DLG2: variants seen among roughly 807,000 people sequenced by gnomAD.
DLG2 encodes disks large homolog 2.
A neutral mutation model predicts 132.5 loss-of-function variants in DLG2; 45 were observed. The ratio of observed to expected loss-of-function variants is 0.34; its 90% CI spans 0.27 to 0.44. The LOEUF (loss-of-function observed/expected upper bound fraction) is 0.44. Ranked by LOEUF, DLG2 falls within the 20% of genes least tolerant of loss-of-function variation. The pLI is 1.00. For missense variants in DLG2, 1,045 were observed against 1,196.9 expected (o/e 0.87, Z 1.87); for synonymous variants, 424 against 419.6 (o/e 1.01, Z -0.13).
intron 21 of DLG2, chr11:83,486,365 T>G: frequency 1.8e-6 from 1 of 567,538 alleles, no homozygotes. Context: ...AAAAAAAAAT[T>G]ACACATTTTC....
rs2093482888 is a variant in DLG2, at chr11:83,486,112, T to G, written c.2194-1884A>C. 1.5e-5 allele frequency: 9 copies of G among 583,192 alleles called. No homozygotes were observed. The South Asian group carries it at 2.0e-4, about 13-fold the overall frequency. The allele number at this position is 583,192 out of a possible 1,614,324, so 36.1% of individuals were successfully genotyped here. A position where few individuals can be genotyped will look rare whatever the true frequency, so the allele number is the denominator to read the frequency against. On this transcript the variant is annotated intron_variant, in intron 21 of 27. Coordinates refer to ENST00000376104, the MANE Select transcript of DLG2 (RefSeq NM_001142699.3). Reference sequence around the variant, plus strand: ...TTTATCATCAATTGTAATTTAGGGTTGGTGTCCAAAAACAAGGTTGAGAAC... The same window carrying G: ...TTTATCATCAATTGTAATTTAGGGTGGGTGTCCAAAAACAAGGTTGAGAAC...
At chr11:84,097,810 A>G (rs1018875065) in intron 10 of DLG2, among the ~76,000 whole-genome samples, 7 of 152,158 alleles carry the variant, frequency 4.6e-5, no homozygotes, top group Admixed American at 6.6e-5. Flanking sequence ...ACATTAGGGC[A>G]TGTTATTCTT....
intron 6 of DLG2, among the ~76,000 whole-genome samples, chr11:85,034,613 A>C (rs1161144083): frequency 6.6e-6 from 1 of 152,158 alleles, no homozygotes; most frequent in Non-Finnish European, 1.5e-5. Context: ...GTAGTTTTTC[A>C]GGAAAACTTC....
rs1043517777 is a variant in DLG2, at chr11:85,163,806, G to T, written c.187-9155C>A. 1.2e-4 allele frequency among the ~76,000 whole-genome samples: 19 copies of T among 152,156 alleles called. 1 individual carries two copies. Among genetic ancestry groups the T allele is most frequent in the African/African-American group, 4.6e-4 (19 of 41,516 alleles). Reference sequence around the variant, plus strand: ...GCTGAGTTGGATGCCTTGGATTGTAGGGGAGAAAAAAATAGCTTTCCTCTA... The same window carrying T: ...GCTGAGTTGGATGCCTTGGATTGTATGGGAGAAAAAAATAGCTTTCCTCTA... On this transcript the variant is annotated intron_variant, in intron 4 of 27. Transcript: ENST00000376104.
At chr11:85,010,639 T>C (rs1485647005) in intron 6 of DLG2, among the ~76,000 whole-genome samples, 3 of 152,192 alleles carry the variant, frequency 2.0e-5, no homozygotes, top group African/African-American at 7.2e-5. Flanking sequence ...ACATGTATGA[T>C]GAATTCTCTG....
intron 6 of DLG2, among the ~76,000 whole-genome samples, chr11:84,977,313 A>C (rs1044077920): frequency 6.6e-6 from 1 of 152,134 alleles, no homozygotes; most frequent in African/African-American, 2.4e-5. Context: ...AGTAGGCAAC[A>C]TCTTGCCTGA....
chr11:84,762,020 A>G (rs1386945582), intron 6 of DLG2: 1 of 152,140 alleles, frequency 6.6e-6, no homozygotes, highest in African/African-American at 2.4e-5. Flanking sequence ...ATTTATATAA[A>G]AAATGTATTT....
intron 6 of DLG2, among the ~76,000 whole-genome samples, chr11:84,833,550 G>C (rs1176029801): frequency 6.6e-6 from 1 of 151,214 alleles, no homozygotes; most frequent in Non-Finnish European, 1.5e-5. Flanking sequence ...TCCTTAGTAT[G>C]TAATTTAGCT....
chr11:85,162,802 G>T (rs1466523718), intron 4 of DLG2, among the ~76,000 whole-genome samples: 1 of 152,134 alleles, frequency 6.6e-6, no homozygotes, highest in Non-Finnish European at 1.5e-5. Context: ...GTGGGTTCAA[G>T]TTGACAAGGG....
intron 7 of DLG2, among the ~76,000 whole-genome samples, chr11:84,354,667 T>A (rs1418507347): frequency 6.6e-6 from 1 of 152,122 alleles, no homozygotes; most frequent in Admixed American, 6.5e-5. Flanking sequence ...TGTCAAACCC[T>A]AGATCTACCA....
rs147906967 is a variant in DLG2, at chr11:84,503,807, C to T, written c.519+30763G>A. Among the ~76,000 whole-genome samples, 129 of 152,274 alleles carry T rather than the reference C, an allele frequency of 8.5e-4. 1 individual carries two copies. Among genetic ancestry groups the T allele is most frequent in the Non-Finnish European group, 1.4e-3 (92 of 68,028 alleles). Reference sequence around the variant, plus strand: ...CTCAGTGAAGAAAGTGAAATATTACCCTGTAAGCATCACTGCATCATTCTT... The same window carrying T: ...CTCAGTGAAGAAAGTGAAATATTACTCTGTAAGCATCACTGCATCATTCTT... On this transcript the variant is annotated intron_variant, in intron 7 of 27. Transcript: ENST00000376104.
intron 7 of DLG2, among the ~76,000 whole-genome samples, chr11:84,430,398 C>T (rs2098980669): frequency 6.7e-6 from 1 of 148,202 alleles, no homozygotes; most frequent in South Asian, 2.1e-4. Context: ...GAGATCGTGC[C>T]ACTTCACTCC....
intron 8 of DLG2, among the ~76,000 whole-genome samples, chr11:84,220,775 CTTTTCT>C (rs1223306240): frequency 8.9e-6 from 1 of 112,300 alleles, no homozygotes; most frequent in African/African-American, 3.3e-5. Flanking sequence ...TTTTCTTTTT[CTTTTCT>C]TTTTTTTTTT....
intron 6 of DLG2, among the ~76,000 whole-genome samples, chr11:84,620,687 C>T (rs908334664): frequency 6.6e-6 from 1 of 152,022 alleles, no homozygotes; most frequent in Non-Finnish European, 1.5e-5. Flanking sequence ...TATTTTTGTA[C>T]TTCATAAGTC....
intron 21 of DLG2, among the ~76,000 whole-genome samples, chr11:83,488,400 A>G (rs1049455918): frequency 6.6e-6 from 1 of 151,958 alleles, no homozygotes; most frequent in African/African-American, 2.4e-5. Context: ...GCCCAGCCTG[A>G]CTCTGAGATG....
intron 7 of DLG2, among the ~76,000 whole-genome samples, chr11:84,321,530 T>C (rs1380813865): frequency 6.6e-6 from 1 of 152,182 alleles, no homozygotes; most frequent in African/African-American, 2.4e-5. Flanking sequence ...CTCACACTCT[T>C]GCTCTGTCCT....
At position 85,505,236 on chromosome 11, in the gene DLG2, G is replaced by A. The variant is rs2153140128; in HGVS notation, c.40+93421C>T. 2.0e-5 allele frequency among the ~76,000 whole-genome samples: 3 copies of A among 152,140 alleles called. No homozygotes were observed. In the South Asian group the frequency reaches 6.2e-4, roughly 32 times the overall value. On this transcript the variant is annotated intron_variant, in intron 3 of 27. Coordinates refer to ENST00000376104, the MANE Select transcript of DLG2 (RefSeq NM_001142699.3). ...TTTCTTTCTACTGCCTGATTACCCT[G>A]GCCAGAACTTCCAACACTATGTTGA...
chr11:85,520,948 C>A (rs1169070166), intron 3 of DLG2, among the ~76,000 whole-genome samples: 5 of 152,140 alleles, frequency 3.3e-5, no homozygotes, highest in African/African-American at 1.2e-4. Flanking sequence ...CAGGACATTT[C>A]TCTGGGCAAA....
At chr11:83,955,135 A>G (rs1223749564) in intron 14 of DLG2, among the ~76,000 whole-genome samples, 3 of 152,204 alleles carry the variant, frequency 2.0e-5, no homozygotes, top group Non-Finnish European at 4.4e-5. Flanking sequence ...ATTTTTGCCA[A>G]GCACGTTACA....
Sources: allele counts gnomAD v4.1 joint callset (sites outside exome capture counted in the v4.1 genomes callset), GRCh38; gene constraint gnomAD v4.1.1; transcripts MANE v1.5; gene names NCBI Gene and HGNC (gene_info 2026-07-23, HGNC 2026-07-21).